Variants in TBCE observed in about 807,000 individuals in gnomAD.
TBCE encodes tubulin-specific chaperone E.
TBCE carries 53 observed loss-of-function variants against 77.0 expected under a neutral mutation model. The ratio of observed to expected loss-of-function variants is 0.69; its 90% confidence interval spans 0.55 to 0.87. The LOEUF (loss-of-function observed/expected upper bound fraction) is 0.87. Among genes scored for constraint, TBCE ranks in the 40% least tolerant of loss-of-function variants. The pLI is 0.00. For missense variants in TBCE, 624 were observed against 622.4 expected (o/e 1.00, Z -0.03); for synonymous variants, 235 against 241.3 (o/e 0.97, Z 0.24).
chr1:235,436,542 A>G lies in TBCE; in HGVS notation c.899-2A>G, dbSNP rs1239200181. 6.2e-7 allele frequency: 1 copy of G among 1,613,826 alleles called. No homozygotes were observed. The highest frequency in any genetic ancestry group is 8.5e-7 in the Non-Finnish European group (1 of 1,179,802). Reference sequence around the variant, plus strand: ...TGTGTAACTTCATTCCTCTTTTTATAGGGTGCAAAACGTCCATGTTCCCAT... The same window carrying G: ...TGTGTAACTTCATTCCTCTTTTTATGGGGTGCAAAACGTCCATGTTCCCAT... On this transcript the variant is annotated splice_acceptor_variant, in intron 10 of 16. Coordinates refer to ENST00000642610, the MANE Select transcript of TBCE (RefSeq NM_003193.5). LOFTEE classifies it high-confidence loss of function.
intron 2 of TBCE, among the ~76,000 whole-genome samples, chr1:235,397,418 G>A (rs1276801375): frequency 6.6e-6 from 1 of 152,170 alleles, no homozygotes; most frequent in African/African-American, 2.4e-5. Flanking sequence ...TGCTAGCCAG[G>A]ATGGTCTCGA....
intron 5 of TBCE, among the ~76,000 whole-genome samples, chr1:235,420,034 G>C (rs1341671832): frequency 1.3e-5 from 2 of 151,384 alleles, no homozygotes; most frequent in Admixed American, 6.6e-5. Flanking sequence ...GCAGTGAGCT[G>C]AGATCGCGCC....
intron 4 of TBCE, 163 bp downstream of exon 4, chr1:235,414,781 G>T: frequency 2.8e-6 from 2 of 704,410 alleles, no homozygotes; most frequent in Non-Finnish European, 4.8e-6. Flanking sequence ...AATTATTTAG[G>T]GAAATTAAAA....
In TBCE at chr1:235,434,227, C is replaced by T. The variant is rs772216953; in HGVS notation, c.684C>T (p.Cys228=). ...AGGTGCTGCGGTGTGTCGCGGGGTG[C>T]CCAGGCCTGGAGGAACTCTACCTTG... ...WAEVLRCVAG[C]PGLEELYLES... is the part of the protein sequence containing the mutation. The change falls in exon 8 of 17, where the codon TGC becomes TGT. Residue 228 remains cysteine (C), a synonymous_variant. Transcript: ENST00000642610. 1.9e-6 allele frequency: 3 copies of T among 1,614,046 alleles called. No homozygotes were observed. In the Admixed American group the frequency reaches 5.0e-5, roughly 27 times the overall value.
At chr1:235,393,837 G>A (rs1678557411) in intron 2 of TBCE, among the ~76,000 whole-genome samples, 1 of 152,090 alleles carries the variant, frequency 6.6e-6, no homozygotes, top group African/African-American at 2.4e-5. Flanking sequence ...TCATGTTCTG[G>A]GAGTGGATGA....
chr1:235,415,206 T>C (rs987018114), intron 4 of TBCE: 2 of 155,442 alleles, frequency 1.3e-5, no homozygotes, highest in African/African-American at 4.8e-5. Context: ...TTGCCCAGGC[T>C]GGTCTTGAAC....
At chr1:235,422,882 G>GT (rs1228467901) in intron 5 of TBCE, among the ~76,000 whole-genome samples, 5 of 152,188 alleles carry the variant, frequency 3.3e-5, no homozygotes, top group Admixed American at 3.3e-4. Flanking sequence ...TGGCTGTTGG[G>GT]TTGCTCAGAG....
chr1:235,437,230 C>T, intron 11 of TBCE, 92 bp from the exon 12 acceptor site: 1 of 1,509,058 alleles, frequency 6.6e-7, no homozygotes, highest in South Asian at 1.1e-5. Flanking sequence ...CAGATTAGAA[C>T]TAGGGACATG....
chr1:235,379,651 T>G (rs559367038), intron 1 of TBCE, among the ~76,000 whole-genome samples: 12 of 152,074 alleles, frequency 7.9e-5, no homozygotes, highest in African/African-American at 2.9e-4. Flanking sequence ...CTCCCAAACT[T>G]GAACCTTCTC....
At chr1:235,388,792 A>G (rs1254344575) in intron 2 of TBCE, among the ~76,000 whole-genome samples, 7 of 152,252 alleles carry the variant, frequency 4.6e-5, no homozygotes, top group Admixed American at 3.9e-4. Context: ...ACCAGTACTC[A>G]TGGAAGAGGA....
chr1:235,441,522 C>G (rs1681875461), intron 13 of TBCE: 1 of 438,186 alleles, frequency 2.3e-6, no homozygotes, highest in Non-Finnish European at 4.2e-6. Context: ...ATGTAATACA[C>G]ATGTAAACAT....
intron 13 of TBCE, among the ~76,000 whole-genome samples, chr1:235,439,937 G>A (rs1435412587): frequency 6.6e-6 from 1 of 152,056 alleles, no homozygotes; most frequent in East Asian, 1.9e-4. Flanking sequence ...GAGTAGCTGG[G>A]ACTACAGGCG....
At chr1:235,376,968 A>T (rs1185997823) in intron 1 of TBCE, among the ~76,000 whole-genome samples, 3 of 146,578 alleles carry the variant, frequency 2.0e-5, no homozygotes, top group African/African-American at 7.5e-5. Flanking sequence ...CGTCTCAATT[A>T]AAAAAAAAAA....
At chr1:235,410,724 A>G (rs1679738301) in intron 3 of TBCE, among the ~76,000 whole-genome samples, 1 of 152,176 alleles carries the variant, frequency 6.6e-6, no homozygotes, top group Non-Finnish European at 1.5e-5. Context: ...CTTTTACGAG[A>G]GAACCCTTAA....
intron 1 of TBCE, among the ~76,000 whole-genome samples, chr1:235,376,740 G>A (rs1239864009): frequency 2.0e-5 from 3 of 152,048 alleles, no homozygotes; most frequent in Admixed American, 1.3e-4. Flanking sequence ...CTTGGAGGCC[G>A]AGGTGGGAAG....
chr1:235,384,705 C>T (rs1677885442), intron 2 of TBCE, among the ~76,000 whole-genome samples: 1 of 152,018 alleles, frequency 6.6e-6, no homozygotes, highest in Non-Finnish European at 1.5e-5. Context: ...ATTCTTCTCT[C>T]TTTTCTTTTT....
chr1:235,427,466 A>G (rs1318258132), intron 6 of TBCE, among the ~76,000 whole-genome samples: 1 of 152,246 alleles, frequency 6.6e-6, no homozygotes, highest in Non-Finnish European at 1.5e-5. Flanking sequence ...CCTTTCTAAC[A>G]CAAGCAGCCT....
chr1:235,437,719 C>T (rs1368566345), intron 12 of TBCE, among the ~76,000 whole-genome samples: 1 of 151,182 alleles, frequency 6.6e-6, no homozygotes, highest in Non-Finnish European at 1.5e-5. Flanking sequence ...ACTCAGGAGG[C>T]TGAAGTGGGA....
chr1:235,390,260 G>A (rs1357558486), intron 2 of TBCE, among the ~76,000 whole-genome samples: 1 of 152,134 alleles, frequency 6.6e-6, no homozygotes, highest in Non-Finnish European at 1.5e-5. Context: ...CTGTTCAGAT[G>A]GAATAAAGAT....
Sources: allele counts gnomAD v4.1 joint callset (sites outside exome capture counted in the v4.1 genomes callset), GRCh38; gene constraint gnomAD v4.1.1; transcripts MANE v1.5; gene names NCBI Gene and HGNC (gene_info 2026-07-23, HGNC 2026-07-21).